Variants in SULT2B1 observed in about 807,000 individuals in gnomAD.
SULT2B1 encodes sulfotransferase 2B1.
A neutral mutation model predicts 33.2 loss-of-function variants in SULT2B1; 16 were observed. That is an observed-to-expected ratio of 0.48 (90% CI 0.33 to 0.73). The LOEUF (loss-of-function observed/expected upper bound fraction) is 0.73. Among genes scored for constraint, SULT2B1 ranks in the 30% least tolerant of loss-of-function variants. The pLI is 0.02. For missense variants in SULT2B1, 500 were observed against 506.0 expected (o/e 0.99, Z 0.11); for synonymous variants, 186 against 200.5 (o/e 0.93, Z 0.61).
At chr19:48,567,519 G>A (rs1344912107) in intron 1 of SULT2B1, among the ~76,000 whole-genome samples, 1 of 151,984 alleles carries the variant, frequency 6.6e-6, no homozygotes, top group Non-Finnish European at 1.5e-5. Flanking sequence ...CTAAGATCAT[G>A]CCTGGGCGAC....
chr19:48,590,855 G>A (rs1447356609), intron 3 of SULT2B1, among the ~76,000 whole-genome samples: 1 of 151,832 alleles, frequency 6.6e-6, no homozygotes, highest in African/African-American at 2.4e-5. Context: ...TGTTTTTGAG[G>A]CAGGGTCTCG....
Position 48,552,410 on chromosome 19 carries a change from T to C in SULT2B1, c.71+87T>C. The stretch of plus-strand genomic sequence containing the variant: ...GCCGGGGACTGTGGCAAGGGTGGCC[T>C]CCAGCCACCCGCAGCCGCAGGCCTG... On this transcript the variant is annotated intron_variant, in intron 1 of 6. Transcript: ENST00000201586. The surrounding 1 kb of genome is among the most constrained non-coding windows in gnomAD (Gnocchi z 4.8). 1 of 1,370,924 alleles carries C rather than the reference T, an allele frequency of 7.3e-7. No individual in the cohort carries two copies. Among genetic ancestry groups the C allele is most frequent in the Non-Finnish European group, 1.0e-6 (1 of 1,004,772 alleles). 84.9% of individuals were successfully genotyped at this position (1,370,924 alleles called of 1,614,324 possible).
At chr19:48,575,262 C>A (rs1216631326) in intron 1 of SULT2B1, among the ~76,000 whole-genome samples, 2 of 150,608 alleles carry the variant, frequency 1.3e-5, no homozygotes, top group Admixed American at 6.7e-5. Flanking sequence ...GTGCCCACCA[C>A]CACACCTGGC....
Position 48,599,311 on chromosome 19 carries a change from C to A in SULT2B1, c.1003C>A (p.Pro335Thr). 6.2e-7 allele frequency: 1 copy of A among 1,608,258 alleles called. No homozygotes were observed. The change falls in exon 7 of 7, where the codon CCC (proline) becomes ACC (threonine). Residue 335 changes from proline to threonine, a missense_variant. By Grantham distance (38) the Pro-to-Thr change is conservative (BLOSUM62 -1). Coordinates refer to ENST00000201586, the MANE Select transcript of SULT2B1 (RefSeq NM_177973.2). The surrounding 1 kb of genome is among the most constrained non-coding windows in gnomAD (Gnocchi z 4.1). ...GCCTGAGCCCAAGCCCAGCCTTGAG[C>A]CCAACACCAGCCTGGAGCGTGAGCC... ...PEPEPKPSLE[P>T]NTSLEREPRP...
At chr19:48,589,170 G>C (rs1973610142) in intron 3 of SULT2B1, among the ~76,000 whole-genome samples, 1 of 152,212 alleles carries the variant, frequency 6.6e-6, no homozygotes. Context: ...CTGGACTAGG[G>C]TGATGGTCAC....
At chr19:48,584,249 TAG>T (rs1973534194) in intron 2 of SULT2B1, among the ~76,000 whole-genome samples, 1 of 152,036 alleles carries the variant, frequency 6.6e-6, no homozygotes, top group South Asian at 2.1e-4. Flanking sequence ...CACACAAGAT[TAG>T]AGTTTCGCTG....
chr19:48,583,915 C>A (rs1973527936), intron 2 of SULT2B1, among the ~76,000 whole-genome samples: 1 of 152,172 alleles, frequency 6.6e-6, no homozygotes, highest in African/African-American at 2.4e-5. Flanking sequence ...AGATTGAGAT[C>A]ATCCTGACCA....
chr19:48,591,427 C>T (rs1287681636), intron 3 of SULT2B1, among the ~76,000 whole-genome samples, 182 bp from the exon 4 acceptor site: 1 of 151,912 alleles, frequency 6.6e-6, no homozygotes, highest in African/African-American at 2.4e-5. Context: ...GCTGAGATGG[C>T]GCCACTGCAC....
chr19:48,578,011 G>A (rs1463396181), intron 2 of SULT2B1, among the ~76,000 whole-genome samples: 4 of 151,874 alleles, frequency 2.6e-5, no homozygotes, highest in African/African-American at 7.2e-5. Context: ...GAGGCCAAGA[G>A]TTCAAGCCCA....
chr19:48,574,142 G>A (rs1973370269), intron 1 of SULT2B1, among the ~76,000 whole-genome samples: 1 of 152,202 alleles, frequency 6.6e-6, no homozygotes, highest in Non-Finnish European at 1.5e-5. Context: ...GACTACAGGT[G>A]CAAGCCACTG....
chr19:48,584,378 C>G (rs1973535834), intron 2 of SULT2B1, among the ~76,000 whole-genome samples: 2 of 152,138 alleles, frequency 1.3e-5, no homozygotes, highest in Admixed American at 1.3e-4. Context: ...AGGGCTGGCC[C>G]CTGTCCATCA....
chr19:48,593,331 C>T (rs1465006679), intron 5 of SULT2B1, among the ~76,000 whole-genome samples: 3 of 152,098 alleles, frequency 2.0e-5, no homozygotes, highest in Non-Finnish European at 2.9e-5. Flanking sequence ...GCAGGTGGAT[C>T]ACTTCAGGTC....
chr19:48,573,201 A>C (rs557389111), intron 1 of SULT2B1, among the ~76,000 whole-genome samples: 1 of 150,858 alleles, frequency 6.6e-6, no homozygotes, highest in Admixed American at 6.6e-5. Context: ...GCTTGCAGGC[A>C]GAACCATTCA....
At chr19:48,585,685 G>T (rs1017880144) in intron 2 of SULT2B1, among the ~76,000 whole-genome samples, 45 of 151,536 alleles carry the variant, frequency 3.0e-4, no homozygotes, top group Admixed American at 4.0e-4. Context: ...GAAAAAAAGT[G>T]GGGGTAGGGG....
rs1031133968 is a variant in SULT2B1, at chr19:48,597,545, A to G, written c.826+626A>G. Among the ~76,000 whole-genome samples the G allele has an allele frequency of 5.9e-5, 9 of 151,546 alleles. No homozygotes were observed. In the East Asian group the frequency reaches 1.6e-3, roughly 26 times the overall value. On this transcript the variant is annotated intron_variant, in intron 6 of 6. Coordinates refer to ENST00000201586, the MANE Select transcript of SULT2B1 (RefSeq NM_177973.2). ...TTTTTAGTAGAGATGGAGTTTCACC[A>G]TGTTGGTCAGGATGGTCTCAATCTC...
intron 3 of SULT2B1, 115 bp downstream of exon 3, chr19:48,587,552 T>A (rs11880831): frequency 0.15 from 172,933 of 1,169,062 alleles, 14,466 homozygotes; most frequent in African/African-American, 0.3. Flanking sequence ...ACACCTACTA[T>A]GTGCCTGACT....
intron 1 of SULT2B1, among the ~76,000 whole-genome samples, chr19:48,571,081 G>C (rs953119944): frequency 1.3e-5 from 2 of 151,984 alleles, no homozygotes; most frequent in Admixed American, 6.6e-5. Context: ...GCACGCAGTG[G>C]TGAGATCATA....
chr19:48,572,281 G>A (rs34578466), intron 1 of SULT2B1, among the ~76,000 whole-genome samples: 97,493 of 151,198 alleles, frequency 0.64, 32,157 homozygotes, highest in African/African-American at 0.74. Flanking sequence ...TTGGGAGGCC[G>A]AGGTGGGCGG....
chr19:48,589,244 G>A (rs539844258), intron 3 of SULT2B1, among the ~76,000 whole-genome samples: 47 of 152,118 alleles, frequency 3.1e-4, no homozygotes, highest in African/African-American at 1.1e-3. Flanking sequence ...TGTGAGAGAA[G>A]GGGATGAGTC....
Sources: gnomAD v4.1 joint callset for allele counts (sites outside exome capture counted in the v4.1 genomes callset) on GRCh38, gnomAD v4.1.1 for gene constraint, Gnocchi (gnomAD v3.1) non-coding constraint, MANE v1.5 for transcripts, NCBI Gene and HGNC (gene_info 2026-07-23, HGNC 2026-07-21) for gene names.